The following DLG2 variants were observed in gnomAD, a reference collection of about 807,000 sequenced individuals.
DLG2 encodes disks large homolog 2.
A neutral mutation model predicts 132.5 loss-of-function variants in DLG2; 45 were observed. The observed-to-expected ratio is 0.34, with a 90% CI of 0.27 to 0.44. The LOEUF (loss-of-function observed/expected upper bound fraction) is 0.44, where lower values mean the gene tolerates loss of function less well. Among genes scored for constraint, DLG2 ranks in the 20% least tolerant of loss-of-function variants. DLG2 has a pLI of 1.00. For missense variants in DLG2, 1,045 were observed against 1,196.9 expected (o/e 0.87, Z 1.87); for synonymous variants, 424 against 419.6 (o/e 1.01, Z -0.13).
At chr11:85,399,710 G>A (rs2087838946) in intron 3 of DLG2, among the ~76,000 whole-genome samples, 1 of 152,108 alleles carries the variant, frequency 6.6e-6, no homozygotes. Context: ...AATGGTGCTG[G>A]GAAAACTGGC....
At chr11:83,827,706 G>A (rs992122084) in intron 17 of DLG2, among the ~76,000 whole-genome samples, 2 of 151,834 alleles carry the variant, frequency 1.3e-5, no homozygotes, top group African/African-American at 2.4e-5. Flanking sequence ...CTTTCTAGGG[G>A]TATTGCTTCT....
chr11:84,147,135 T>C (rs2095114980), intron 9 of DLG2, among the ~76,000 whole-genome samples: 3 of 152,104 alleles, frequency 2.0e-5, no homozygotes, highest in Admixed American at 1.3e-4. Flanking sequence ...ACCACCAAGA[T>C]AGTTCTAAAA....
chr11:85,404,097 C>T (rs1340952952), intron 3 of DLG2, among the ~76,000 whole-genome samples: 1 of 151,962 alleles, frequency 6.6e-6, no homozygotes. Flanking sequence ...AAAAGAGTAG[C>T]TCTGGAGACC....
chr11:84,750,071 C>A (rs774286592), intron 6 of DLG2, among the ~76,000 whole-genome samples: 12 of 152,116 alleles, frequency 7.9e-5, no homozygotes, highest in Non-Finnish European at 1.3e-4. Flanking sequence ...TTTTCATTTG[C>A]CGCAAAGAAC....
chr11:83,810,135 G>T (rs1361935621), intron 17 of DLG2, among the ~76,000 whole-genome samples: 1 of 151,904 alleles, frequency 6.6e-6, no homozygotes, highest in Non-Finnish European at 1.5e-5. Context: ...TCTTTTTCAG[G>T]CTTGTGAGTG....
intron 7 of DLG2, among the ~76,000 whole-genome samples, chr11:84,299,819 AAAT>A (rs1427841803): frequency 6.6e-6 from 1 of 152,136 alleles, no homozygotes; most frequent in East Asian, 1.9e-4. Flanking sequence ...AGTCCTTCGA[AAAT>A]AATGTTTCTT....
At chr11:83,887,456 A>G (rs1273644628) in intron 15 of DLG2, among the ~76,000 whole-genome samples, 2 of 152,072 alleles carry the variant, frequency 1.3e-5, no homozygotes, top group Non-Finnish European at 2.9e-5. Context: ...GGCAATAATC[A>G]ATAGCTTACC....
chr11:85,482,925 T>A (rs2093333438), intron 3 of DLG2, among the ~76,000 whole-genome samples: 1 of 152,166 alleles, frequency 6.6e-6, no homozygotes, highest in African/African-American at 2.4e-5. Context: ...CCAGGAAATA[T>A]TTGATATATA....
intron 6 of DLG2, among the ~76,000 whole-genome samples, chr11:84,675,763 T>A (rs1450767235): frequency 6.6e-6 from 1 of 152,100 alleles, no homozygotes; most frequent in Non-Finnish European, 1.5e-5. Flanking sequence ...TTCTCATCCC[T>A]TTTACACCGA....
chr11:84,829,396 A>T (rs1425148440), intron 6 of DLG2, among the ~76,000 whole-genome samples: 1 of 151,752 alleles, frequency 6.6e-6, no homozygotes, highest in African/African-American at 2.4e-5. Context: ...ATAATGATTC[A>T]TAATGAACAT....
intron 21 of DLG2, among the ~76,000 whole-genome samples, chr11:83,503,961 C>T (rs2094572015): frequency 6.6e-6 from 1 of 152,096 alleles, no homozygotes; most frequent in Non-Finnish European, 1.5e-5. Flanking sequence ...TACAACTATC[C>T]TTCGTACAAC....
intron 17 of DLG2, among the ~76,000 whole-genome samples, chr11:83,793,508 A>G (rs2042076797): frequency 6.6e-6 from 1 of 152,230 alleles, no homozygotes; most frequent in Non-Finnish European, 1.5e-5. Flanking sequence ...TTTACAGCAT[A>G]AGATTTCTAC....
intron 18 of DLG2, among the ~76,000 whole-genome samples, chr11:83,671,034 A>T (rs1340581941): frequency 1.3e-5 from 2 of 152,212 alleles, no homozygotes; most frequent in African/African-American, 4.8e-5. Flanking sequence ...TATATTTAAA[A>T]AGTAGATTCA....
chr11:85,046,954 T>G (rs2062404769), intron 6 of DLG2, among the ~76,000 whole-genome samples: 1 of 151,974 alleles, frequency 6.6e-6, no homozygotes, highest in African/African-American at 2.4e-5. Context: ...TTTATTTGTT[T>G]GTTTGTTGAC....
In DLG2 at chr11:84,731,555, T is replaced by C. The variant is rs1018579263; in HGVS notation, c.358-196824A>G. On this transcript the variant is annotated intron_variant, in intron 6 of 27. Transcript: ENST00000376104. Reference sequence around the variant, plus strand: ...ACGGAAAGGGGAAAAGCATCTCAAATAGAGGGAATAGGATATACAAAGAAT... The same window carrying C: ...ACGGAAAGGGGAAAAGCATCTCAAACAGAGGGAATAGGATATACAAAGAAT... Among the ~76,000 whole-genome samples the C allele has an allele frequency of 9.2e-5, 14 of 151,666 alleles. No homozygotes were observed. In the South Asian group the frequency reaches 2.1e-3, roughly 23 times the overall value.
At chr11:83,882,422 A>T (rs2066535493) in intron 15 of DLG2, among the ~76,000 whole-genome samples, 1 of 151,854 alleles carries the variant, frequency 6.6e-6, no homozygotes, top group Non-Finnish European at 1.5e-5. Flanking sequence ...GGACAAACAG[A>T]TGGATATAAG....
At chr11:83,742,334 G>T (rs1407848636) in intron 18 of DLG2, among the ~76,000 whole-genome samples, 6 of 151,758 alleles carry the variant, frequency 4.0e-5, no homozygotes, top group African/African-American at 1.5e-4. Context: ...ACATAATGTT[G>T]TGTACCTTAA....
At chr11:83,587,950 G>A (rs549364694) in intron 19 of DLG2, among the ~76,000 whole-genome samples, 12 of 152,254 alleles carry the variant, frequency 7.9e-5, no homozygotes, top group African/African-American at 2.6e-4. Context: ...AAAAAATGGC[G>A]CACCACGAGA....
intron 6 of DLG2, among the ~76,000 whole-genome samples, chr11:85,107,819 A>C (rs2072024879): frequency 6.6e-6 from 1 of 151,564 alleles, no homozygotes; most frequent in Admixed American, 6.6e-5. Flanking sequence ...TCATGTATTC[A>C]GAAAGTTTAA....
Sources: allele counts gnomAD v4.1 joint callset (sites outside exome capture counted in the v4.1 genomes callset), GRCh38; gene constraint gnomAD v4.1.1; transcripts MANE v1.5; gene names NCBI Gene and HGNC (gene_info 2026-07-23, HGNC 2026-07-21).